The following ZNF25 variants were observed in gnomAD, a reference collection of about 807,000 sequenced individuals.
ZNF25 encodes the protein zinc finger protein 25.
In ZNF25, 21 loss-of-function variants were observed where a neutral mutation model predicts 30.9. The ratio of observed to expected loss-of-function variants is 0.68; its 90% confidence interval spans 0.48 to 0.98. ZNF25 has a LOEUF of 0.98. ZNF25 is among the 50% of genes least tolerant of loss of function. The pLI is 0.00. For synonymous variants in ZNF25, 169 were observed against 181.3 expected, an observed-to-expected ratio of 0.93 and a Z score of 0.55; for missense variants, 501 against 529.9, an observed-to-expected ratio of 0.95 and a Z score of 0.54.
At chr10:37,962,353 GAA>G (rs990400948) in intron 2 of ZNF25, among the ~76,000 whole-genome samples, 6 of 152,058 alleles carry the variant, frequency 3.9e-5, no homozygotes, top group Admixed American at 2.6e-4. Flanking sequence ...AAGTGAGAAG[GAA>G]AAGACTATTT....
intron 5 of ZNF25, 64 bp downstream of exon 5, chr10:37,953,631 T>A (rs1463215010): frequency 1.3e-6 from 2 of 1,494,578 alleles, no homozygotes; most frequent in African/African-American, 2.8e-5. Flanking sequence ...CTCCCATTTC[T>A]AGTAACTCCT....
chr10:37,949,994 T>A lies in ZNF25; in HGVS notation c.*2133A>T, dbSNP rs1467600196. 1 of 152,636 alleles carries A rather than the reference T, an allele frequency of 6.6e-6. No homozygotes were observed. Among genetic ancestry groups the A allele is most frequent in the Non-Finnish European group, 1.5e-5 (1 of 68,044 alleles). 9.5% of individuals were successfully genotyped at this position (152,636 alleles called of 1,614,324 possible). A position where few individuals can be genotyped will look rare whatever the true frequency, so the allele number is the denominator to read the frequency against. On this transcript the variant is annotated 3_prime_UTR_variant, in exon 6 of 6. Transcript: ENST00000302609. Reference sequence around the variant, plus strand: ...GAAAAAAATACTTCTAAGCTCAGGCTCTTAACATATAAATATAATGCACAA... The same window carrying A: ...GAAAAAAATACTTCTAAGCTCAGGCACTTAACATATAAATATAATGCACAA...
chr10:37,955,490 A>C (rs1336260125), intron 4 of ZNF25, among the ~76,000 whole-genome samples: 1 of 152,166 alleles, frequency 6.6e-6, no homozygotes, highest in Non-Finnish European at 1.5e-5. Flanking sequence ...AAGCAGAACT[A>C]TCTTACAAGA....
chr10:37,964,476 A>T (rs553150340), intron 2 of ZNF25, among the ~76,000 whole-genome samples: 1 of 152,308 alleles, frequency 6.6e-6, no homozygotes, highest in East Asian at 1.9e-4. Context: ...AAAATGAGGA[A>T]TGTATTGGAA....
At position 37,957,485 on chromosome 10, in the gene ZNF25, G is replaced by A. The variant is rs995670317; in HGVS notation, c.77C>T (p.Thr26Ile). 1.2e-6 allele frequency: 2 copies of A among 1,613,884 alleles called. No individual in the cohort carries two copies. Among genetic ancestry groups the A allele is most frequent in the Non-Finnish European group, 1.7e-6 (2 of 1,179,910 alleles). Residue 26 changes from threonine to isoleucine, a missense_variant, in exon 3 of 6, where the codon ACC becomes ATC. Transcript: ENST00000302609. ...CTTATACAGAGTCCTCTGAGCAGGGGTCAGTAACTTCCATTCTTCCTTGGT... is the reference window on the plus strand; with the variant it reads ...CTTATACAGAGTCCTCTGAGCAGGGATCAGTAACTTCCATTCTTCCTTGGT... ...EFTKEEWKLL[T>I]PAQRTLYKDV...
chr10:37,974,047 A>C (rs1354382911), intron 1 of ZNF25, among the ~76,000 whole-genome samples: 1 of 152,202 alleles, frequency 6.6e-6, no homozygotes, highest in Non-Finnish European at 1.5e-5. Context: ...TCTTCAATAA[A>C]TGGTGCTGAG....
chr10:37,950,713 T>C lies in ZNF25; in HGVS notation c.*1414A>G, dbSNP rs2062096830. The C allele has an allele frequency of 6.6e-6, 1 of 152,152 alleles. No individual in the cohort carries two copies. The highest frequency in any genetic ancestry group is 2.1e-4 in the South Asian group (1 of 4,828). 9.4% of individuals were successfully genotyped at this position (152,152 alleles called of 1,614,324 possible). A position where few individuals can be genotyped will look rare whatever the true frequency, so the allele number is the denominator to read the frequency against. On this transcript the variant is annotated 3_prime_UTR_variant, in exon 6 of 6. Coordinates refer to ENST00000302609, the MANE Select transcript of ZNF25 (RefSeq NM_145011.4). ...CAAAGCAATCCTAAGATGTTGTCAC[T>C]ATCACTACTCTTTTATGGGATGGGA...
At chr10:37,968,677 C>T (rs2135423332) in intron 2 of ZNF25, among the ~76,000 whole-genome samples, 1 of 152,210 alleles carries the variant, frequency 6.6e-6, no homozygotes, top group East Asian at 1.9e-4. Context: ...TATAATTCAA[C>T]AACAAAAAGA....
At position 37,963,657 on chromosome 10, in the gene ZNF25, G is replaced by A. The variant is rs990447542; in HGVS notation, c.16-6111C>T. On this transcript the variant is annotated intron_variant, in intron 2 of 5. Transcript: ENST00000302609. ...CTTGATAATGAGTGAGTTCTGATTC[G>A]GTTCACATGAGATCTGGTTGTTTAA... 6.6e-5 allele frequency among the ~76,000 whole-genome samples: 10 copies of A among 152,184 alleles called. No homozygotes were observed. The South Asian group carries it at 1.0e-3, about 16-fold the overall frequency.
At chr10:37,953,302 G>C in intron 5 of ZNF25, 107 bp from the exon 6 acceptor site, 1 of 1,010,258 alleles carries the variant, frequency 9.9e-7, no homozygotes, top group South Asian at 1.7e-5. Flanking sequence ...CCGATTTCTA[G>C]AGATGTTCCC....
In ZNF25 at chr10:37,968,232, A is replaced by G. The variant is rs1251687768; in HGVS notation, c.15+3476T>C. On this transcript the variant is annotated intron_variant, in intron 2 of 5. Coordinates refer to ENST00000302609, the MANE Select transcript of ZNF25 (RefSeq NM_145011.4). ...GCCATCATGCCTAACTGATTTTTGTATTTTTAACAGACATGGAGTTTCACC... is the reference window on the plus strand; with the variant it reads ...GCCATCATGCCTAACTGATTTTTGTGTTTTTAACAGACATGGAGTTTCACC... Among the ~76,000 whole-genome samples, 2 of 151,480 alleles carry G rather than the reference A, an allele frequency of 1.3e-5. 1 individual carries two copies. Among genetic ancestry groups the G allele is most frequent in the South Asian group, 4.2e-4 (2 of 4,816 alleles).
intron 2 of ZNF25, among the ~76,000 whole-genome samples, chr10:37,967,690 G>T (rs528967111): frequency 3.9e-5 from 6 of 152,180 alleles, no homozygotes; most frequent in African/African-American, 1.4e-4. Context: ...TTACAGGCAT[G>T]AGCCACCACG....
intron 2 of ZNF25, among the ~76,000 whole-genome samples, chr10:37,971,075 G>A (rs1256582826): frequency 1.3e-5 from 2 of 152,116 alleles, no homozygotes; most frequent in African/African-American, 4.8e-5. Context: ...CAGCATTTGG[G>A]AGGCTAAGGC....
intron 2 of ZNF25, among the ~76,000 whole-genome samples, chr10:37,964,040 A>G (rs994019603): frequency 6.6e-6 from 1 of 152,110 alleles, no homozygotes; most frequent in Non-Finnish European, 1.5e-5. Flanking sequence ...TCTTGCTCCC[A>G]CTGTCACTAT....
chr10:37,954,756 G>C (rs1440162566), intron 4 of ZNF25, among the ~76,000 whole-genome samples: 1 of 152,148 alleles, frequency 6.6e-6, no homozygotes, highest in East Asian at 1.9e-4. Context: ...AAGATTATCA[G>C]CAGATGCTTG....
rs1836691806 is a variant in ZNF25, at chr10:37,971,796, C to T, written c.-74G>A. ...ATCATAAGGGACCTTAGCTGGCAGC[C>T]CCAGGAATCACCTGTGAGAAATTTC... On this transcript the variant is annotated 5_prime_UTR_variant, in exon 2 of 6. Coordinates refer to ENST00000302609, the MANE Select transcript of ZNF25 (RefSeq NM_145011.4). 1.2e-6 allele frequency: 2 copies of T among 1,604,318 alleles called. No individual in the cohort carries two copies. Among genetic ancestry groups the T allele is most frequent in the African/African-American group, 2.7e-5 (2 of 74,688 alleles).
At chr10:37,955,309 T>TAC (rs2062451413) in intron 4 of ZNF25, among the ~76,000 whole-genome samples, 1 of 152,166 alleles carries the variant, frequency 6.6e-6, no homozygotes, top group African/African-American at 2.4e-5. Flanking sequence ...ATATTACTAA[T>TAC]ACCTCCTTAC....
At position 37,952,277 on chromosome 10, in the gene ZNF25, A is replaced by G. The variant is rs767072759; in HGVS notation, c.1221T>C (p.Phe407=). 3.1e-6 allele frequency: 5 copies of G among 1,611,846 alleles called. No homozygotes were observed. Among genetic ancestry groups the G allele is most frequent in the Non-Finnish European group, 3.4e-6 (4 of 1,179,290 alleles). The change falls in exon 6 of 6, where the codon TTT becomes TTC. Residue 407 remains phenylalanine, a synonymous_variant. Transcript: ENST00000302609. ...PYACKECGKS[F]SQKSHFIIHQ... ...GTATAATAAAATGTGACTTCTGAGA[A>G]AAGGACTTCCCACATTCCTTGCATG...
At chr10:37,964,501 C>T (rs541830031) in intron 2 of ZNF25, among the ~76,000 whole-genome samples, 16 of 152,276 alleles carry the variant, frequency 1.1e-4, no homozygotes, top group African/African-American at 3.9e-4. Flanking sequence ...GAGTATAGGT[C>T]ACCCATGTTT....
Sources: gnomAD v4.1 joint callset for allele counts (sites outside exome capture counted in the v4.1 genomes callset) on GRCh38, gnomAD v4.1.1 for gene constraint, MANE v1.5 for transcripts, NCBI Gene and HGNC (gene_info 2026-07-23, HGNC 2026-07-21) for gene names.